Variants in CHRM3 observed in about 807,000 individuals in gnomAD.
CHRM3 encodes cholinergic receptor muscarinic 3, also known as muscarinic acetylcholine receptor M3.
In CHRM3, 11 loss-of-function variants were observed where a neutral mutation model predicts 41.8. The ratio of observed to expected loss-of-function variants is 0.26; its 90% CI spans 0.17 to 0.44. CHRM3 has a LOEUF of 0.44. Ranked by LOEUF, CHRM3 falls within the 20% of genes least tolerant of loss-of-function variation. The probability of loss-of-function intolerance (pLI) is 1.00; values close to 1 mark genes in which losing one functional copy is unlikely to be tolerated. For synonymous variants in CHRM3, 297 were observed against 301.4 expected (o/e 0.99, Z 0.15); for missense variants, 571 against 745.4 (o/e 0.77, Z 2.72).
At chr1:239,451,103 A>T (rs185863972) in intron 1 of CHRM3, among the ~76,000 whole-genome samples, 4 of 152,266 alleles carry the variant, frequency 2.6e-5, no homozygotes, top group African/African-American at 9.6e-5. Context: ...ATGCATCTGT[A>T]GTCCTAGCAA....
At chr1:239,567,303 C>T in intron 3 of CHRM3, among the ~76,000 whole-genome samples, 1 of 112,628 alleles carries the variant, frequency 8.9e-6, no homozygotes. Flanking sequence ...AAGACCTCAT[C>T]TGAAAAAAAA....
intron 1 of CHRM3, among the ~76,000 whole-genome samples, chr1:239,459,230 C>T (rs536823538): frequency 6.6e-6 from 1 of 151,932 alleles, no homozygotes; most frequent in Non-Finnish European, 1.5e-5. Flanking sequence ...AATGAAAAAT[C>T]AAGTACCTAT....
At position 239,901,444 on chromosome 1, in the gene CHRM3, T is replaced by C. The variant is rs149534266; in HGVS notation, c.-19-5989T>C. ...CCTCCAAAATACCACTGCTAATATATGATTTGCATGTAAATCTTTCTATCC... is the reference window on the plus strand; with the variant it reads ...CCTCCAAAATACCACTGCTAATATACGATTTGCATGTAAATCTTTCTATCC... On this transcript the variant is annotated intron_variant, in intron 6 of 6. Transcript: ENST00000676153. Among the ~76,000 whole-genome samples, 67 of 152,274 alleles carry C rather than the reference T, an allele frequency of 4.4e-4. No individual in the cohort carries two copies. The East Asian group carries it at 0.012, about 26-fold the overall frequency.
chr1:239,634,839 T>C (rs187970822), intron 4 of CHRM3, among the ~76,000 whole-genome samples: 4 of 152,298 alleles, frequency 2.6e-5, no homozygotes, highest in African/African-American at 9.6e-5. Flanking sequence ...AGACTGGAAA[T>C]GCAGGGGATA....
chr1:239,509,904 A>G (rs1160584265), intron 2 of CHRM3, among the ~76,000 whole-genome samples: 3 of 152,152 alleles, frequency 2.0e-5, no homozygotes, highest in Non-Finnish European at 4.4e-5. Flanking sequence ...CCTGGCCAAC[A>G]TGGCGAAACC....
intron 4 of CHRM3, among the ~76,000 whole-genome samples, chr1:239,668,736 G>A (rs1674070630): frequency 6.6e-6 from 1 of 152,158 alleles, no homozygotes; most frequent in African/African-American, 2.4e-5. Context: ...CTTCTGTAGA[G>A]CAGAATTCTA....
chr1:239,656,859 A>T (rs1377851058), intron 4 of CHRM3, among the ~76,000 whole-genome samples: 4 of 152,158 alleles, frequency 2.6e-5, no homozygotes, highest in Non-Finnish European at 4.4e-5. Flanking sequence ...TCCTTGAAAT[A>T]TGTTGGTGAT....
At chr1:239,708,088 C>T (rs1205451460) in intron 5 of CHRM3, among the ~76,000 whole-genome samples, 2 of 152,194 alleles carry the variant, frequency 1.3e-5, no homozygotes, top group East Asian at 1.9e-4. Context: ...TGGGAGAAGA[C>T]GTGGCCTGAA....
intron 5 of CHRM3, among the ~76,000 whole-genome samples, chr1:239,683,111 C>T (rs1280464503): frequency 1.3e-5 from 2 of 152,056 alleles, no homozygotes; most frequent in Non-Finnish European, 2.9e-5. Flanking sequence ...ACTTTGTACA[C>T]GTTGACCAAC....
chr1:239,388,875 C>T (rs2102900334), intron 1 of CHRM3, among the ~76,000 whole-genome samples: 1 of 152,256 alleles, frequency 6.6e-6, no homozygotes, highest in South Asian at 2.1e-4. Context: ...TCTCAATTAG[C>T]TTAATACATA....
At chr1:239,727,537 G>A (rs1663557178) in intron 5 of CHRM3, 1 of 151,836 alleles carries the variant, frequency 6.6e-6, no homozygotes, top group South Asian at 2.1e-4. Flanking sequence ...TATAATGAAA[G>A]TAATTTAATT....
intron 5 of CHRM3, among the ~76,000 whole-genome samples, chr1:239,736,351 A>T (rs1664393987): frequency 6.6e-6 from 1 of 152,178 alleles, no homozygotes; most frequent in East Asian, 1.9e-4. Flanking sequence ...ATTATTAGCT[A>T]AAAAACAAGG....
chr1:239,684,759 AAAG>A (rs1298350960), intron 5 of CHRM3, among the ~76,000 whole-genome samples: 1 of 127,236 alleles, frequency 7.9e-6, no homozygotes, highest in Non-Finnish European at 1.9e-5. Context: ...AGAAAGAAAG[AAAG>A]AAAGAAAGAG....
chr1:239,865,876 T>TG (rs1676047027), intron 6 of CHRM3, among the ~76,000 whole-genome samples: 1 of 152,132 alleles, frequency 6.6e-6, no homozygotes, highest in Non-Finnish European at 1.5e-5. Context: ...TGGTTGTCCT[T>TG]GCAGCCTCTG....
chr1:239,618,273 C>CTTT (rs11413091), intron 3 of CHRM3, among the ~76,000 whole-genome samples: 1,629 of 112,968 alleles, frequency 0.014, 69 homozygotes, highest in Middle Eastern at 0.025. Flanking sequence ...CTTTTTTTTT[C>CTTT]TTTCTTTTTT....
intron 4 of CHRM3, among the ~76,000 whole-genome samples, chr1:239,642,995 C>T (rs1026254499): frequency 1.3e-5 from 2 of 152,218 alleles, no homozygotes; most frequent in Non-Finnish European, 2.9e-5. Flanking sequence ...ACAGGACCCT[C>T]AGCTGCAGGT....
intron 1 of CHRM3, among the ~76,000 whole-genome samples, chr1:239,443,352 A>G (rs1200466798): frequency 6.6e-6 from 1 of 152,150 alleles, no homozygotes; most frequent in African/African-American, 2.4e-5. Flanking sequence ...CAAGTTTCCT[A>G]CTGTTTGCGA....
chr1:239,855,491 A>G lies in CHRM3; in HGVS notation c.-20+28113A>G, dbSNP rs545612968. ...GGCAAACTACAACTGAGATGAATGC[A>G]TTTTAATCTGATACATAAATATGTC... On this transcript the variant is annotated intron_variant, in intron 6 of 6. Transcript: ENST00000676153. Among the ~76,000 whole-genome samples the G allele has an allele frequency of 3.3e-5, 5 of 152,276 alleles. No individual in the cohort carries two copies. In the South Asian group the frequency reaches 1.0e-3, roughly 32 times the overall value.
At chr1:239,623,280 A>G (rs982476052) in intron 3 of CHRM3, among the ~76,000 whole-genome samples, 1 of 98,720 alleles carries the variant, frequency 1.0e-5, no homozygotes, top group Non-Finnish European at 2.0e-5. Flanking sequence ...ACCCCACAAC[A>G]GGCCCCGGGG....
Sources: gnomAD v4.1 joint callset for allele counts (sites outside exome capture counted in the v4.1 genomes callset) on GRCh38, gnomAD v4.1.1 for gene constraint, MANE v1.5 for transcripts, NCBI Gene and HGNC (gene_info 2026-07-23, HGNC 2026-07-21) for gene names.